Variants in DCLK2 observed in about 807,000 individuals in gnomAD.
The protein encoded by DCLK2 is doublecortin like kinase 2, also known as serine/threonine-protein kinase DCLK2.
DCLK2 carries 31 observed loss-of-function variants against 78.4 expected under a neutral mutation model. That is an observed-to-expected ratio of 0.40 (90% CI 0.30 to 0.53). The LOEUF is 0.53. Ranked by LOEUF, DCLK2 falls within the 20% of genes least tolerant of loss-of-function variation. DCLK2 has a pLI of 0.61. For missense variants in DCLK2, 872 were observed against 973.7 expected, an observed-to-expected ratio of 0.90 and a Z score of 1.39; for synonymous variants, 407 against 374.9, an observed-to-expected ratio of 1.09 and a Z score of -0.99.
chr4:150,169,430 G>A (rs1057135211), intron 2 of DCLK2, among the ~76,000 whole-genome samples: 13 of 152,268 alleles, frequency 8.5e-5, no homozygotes, highest in South Asian at 8.3e-4. Context: ...AAGCTGAGGC[G>A]GTTGGATCAC....
At chr4:150,241,524 G>A (rs1472961736) in intron 12 of DCLK2, among the ~76,000 whole-genome samples, 1 of 152,094 alleles carries the variant, frequency 6.6e-6, no homozygotes, top group South Asian at 2.1e-4. Context: ...TGTTCATTTT[G>A]TAACTGTCTA....
chr4:150,105,954 T>A (rs1731220857), intron 2 of DCLK2, among the ~76,000 whole-genome samples: 1 of 152,034 alleles, frequency 6.6e-6, no homozygotes, highest in Middle Eastern at 3.2e-3. Context: ...TATCCACTAC[T>A]ACTTCCTCAT....
rs60421412 is a variant in DCLK2 at position 150,169,656 on chromosome 4, C to CAAA, written c.757-23467_757-23465dup. On this transcript the variant is annotated intron_variant, in intron 2 of 15. Coordinates refer to ENST00000296550, the MANE Select transcript of DCLK2 (RefSeq NM_001040260.4). ...GGGTGACAAGAGTGAAACTCCGTCT[C>CAAA]AAAAAAAAAAAAAAAAAGTGTGGTT... Among the ~76,000 whole-genome samples the CAAA allele has an allele frequency of 3.1e-3, 301 of 98,100 alleles. 3 individuals are homozygous for CAAA. Among genetic ancestry groups the CAAA allele is most frequent in the African/African-American group, 0.01 (286 of 27,972 alleles). 64.4% of individuals were successfully genotyped at this position (98,100 alleles called of 152,430 possible).
At position 150,085,599 on chromosome 4, in the gene DCLK2, G is replaced by T. The variant is rs553571501; in HGVS notation, c.421+6151G>T. Among the ~76,000 whole-genome samples the T allele has an allele frequency of 3.3e-5, 5 of 152,246 alleles. No individual in the cohort carries two copies. In the South Asian group the frequency reaches 1.0e-3, roughly 32 times the overall value. On this transcript the variant is annotated intron_variant, in intron 1 of 15. Coordinates refer to ENST00000296550, the MANE Select transcript of DCLK2 (RefSeq NM_001040260.4). The stretch of plus-strand genomic sequence containing the variant: ...TTAAATTTCCAACACCTGAAGCTTG[G>T]GAGATGTGTTCAACCCACAGCAGGA...
chr4:150,106,532 T>C (rs1731267802), intron 2 of DCLK2, among the ~76,000 whole-genome samples: 2 of 152,232 alleles, frequency 1.3e-5, no homozygotes, highest in African/African-American at 4.8e-5. Context: ...ACTGTCTGCC[T>C]AAATTTTATT....
At chr4:150,182,181 G>A (rs964514058) in intron 2 of DCLK2, among the ~76,000 whole-genome samples, 2 of 151,566 alleles carry the variant, frequency 1.3e-5, no homozygotes, top group Non-Finnish European at 2.9e-5. Flanking sequence ...TCAGTAGCTG[G>A]GACCACAGTT....
chr4:150,114,926 T>C (rs185901434), intron 2 of DCLK2, among the ~76,000 whole-genome samples: 1 of 152,356 alleles, frequency 6.6e-6, no homozygotes, highest in Admixed American at 6.5e-5. Flanking sequence ...TATTTAGATA[T>C]CTAAATCTCT....
chr4:150,238,165 CACTT>C (rs1742647684), intron 10 of DCLK2, among the ~76,000 whole-genome samples: 1 of 151,902 alleles, frequency 6.6e-6, no homozygotes, highest in Non-Finnish European at 1.5e-5. Flanking sequence ...TTCATGCTAC[CACTT>C]AGAGATAAAC....
At chr4:150,250,897 C>T (rs1292897079) in intron 15 of DCLK2, among the ~76,000 whole-genome samples, 2 of 98,576 alleles carry the variant, frequency 2.0e-5, no homozygotes, top group South Asian at 3.7e-4. Context: ...ACACCCCCCA[C>T]ACCCCCCACA....
At chr4:150,171,388 GGA>G (rs1736520011) in intron 2 of DCLK2, among the ~76,000 whole-genome samples, 1 of 152,214 alleles carries the variant, frequency 6.6e-6, no homozygotes, top group South Asian at 2.1e-4. Context: ...GGCTGAGGCG[GGA>G]GAATGGTGTG....
At chr4:150,166,058 C>A (rs1372592329) in intron 2 of DCLK2, among the ~76,000 whole-genome samples, 1 of 152,022 alleles carries the variant, frequency 6.6e-6, no homozygotes, top group Non-Finnish European at 1.5e-5. Context: ...AAATAAATTT[C>A]TTTTCTTTAT....
At chr4:150,222,601 T>A (rs1187124174) in intron 7 of DCLK2, among the ~76,000 whole-genome samples, 1 of 152,074 alleles carries the variant, frequency 6.6e-6, no homozygotes, top group Non-Finnish European at 1.5e-5. Context: ...ATCCCAGCAC[T>A]TTGGGAGGCT....
chr4:150,188,444 G>A (rs1468979375), intron 2 of DCLK2, among the ~76,000 whole-genome samples: 1 of 152,122 alleles, frequency 6.6e-6, no homozygotes, highest in Non-Finnish European at 1.5e-5. Flanking sequence ...CTCCAGCCAA[G>A]GCAACAGAAA....
intron 12 of DCLK2, among the ~76,000 whole-genome samples, chr4:150,242,874 G>A (rs532916335): frequency 1.3e-5 from 2 of 152,128 alleles, no homozygotes; most frequent in East Asian, 1.9e-4. Context: ...AAGTCACACC[G>A]GGCCTTGGCT....
chr4:150,231,584 C>T (rs932755864), intron 8 of DCLK2, among the ~76,000 whole-genome samples: 1 of 152,124 alleles, frequency 6.6e-6, no homozygotes, highest in African/African-American at 2.4e-5. Context: ...CATGGGTTGA[C>T]GTATTAAGAA....
intron 2 of DCLK2, among the ~76,000 whole-genome samples, chr4:150,139,907 T>C (rs185144037): frequency 8.0e-4 from 122 of 152,354 alleles, no homozygotes; most frequent in African/African-American, 2.9e-3. Context: ...TGTTTGCCTA[T>C]TTTCTATCCA....
intron 2 of DCLK2, among the ~76,000 whole-genome samples, chr4:150,156,940 A>C (rs1680364690): frequency 6.6e-6 from 1 of 150,964 alleles, no homozygotes; most frequent in South Asian, 2.1e-4. Flanking sequence ...TGGCTAATTT[A>C]TTTATTTTTT....
At chr4:150,103,801 T>C (rs1029879939) in intron 2 of DCLK2, among the ~76,000 whole-genome samples, 24 of 152,184 alleles carry the variant, frequency 1.6e-4, no homozygotes, top group Non-Finnish European at 2.5e-4. Context: ...TTTTTAAAAA[T>C]ACGTTCTAAA....
chr4:150,175,011 A>AAAAAAAAAATATATATATATAT lies in DCLK2; in HGVS notation c.757-18126_757-18125insAAAAAAAATATATATATATATA, dbSNP rs1454035697. Reference sequence around the variant, plus strand: ...AGACTCCGTCGCAAAAAAAAAAAAAAATATATATATATATATATATATTTA... The same window carrying AAAAAAAAAATATATATATATAT: ...AGACTCCGTCGCAAAAAAAAAAAAAAAAAAAAAAATATATATATATATATATATATATATATATATATATTTA... On this transcript the variant is annotated intron_variant, in intron 2 of 15. Coordinates refer to ENST00000296550, the MANE Select transcript of DCLK2 (RefSeq NM_001040260.4). Among the ~76,000 whole-genome samples the AAAAAAAAAATATATATATATAT allele has an allele frequency of 2.0e-4, 2 of 9,976 alleles. 1 individual carries two copies. The highest frequency in any genetic ancestry group is 5.3e-4 in the African/African-American group (2 of 3,794). The allele number at this position is 9,976 out of a possible 152,430, so 6.5% of individuals were successfully genotyped here. A position where few individuals can be genotyped will look rare whatever the true frequency, so the allele number is the denominator to read the frequency against.
Sources: allele counts gnomAD v4.1 joint callset (sites outside exome capture counted in the v4.1 genomes callset), GRCh38; gene constraint gnomAD v4.1.1; transcripts MANE v1.5; gene names NCBI Gene and HGNC (gene_info 2026-07-23, HGNC 2026-07-21).